Variants in GALNT18 observed in about 807,000 individuals in gnomAD.
GALNT18 encodes polypeptide N-acetylgalactosaminyltransferase 18, also known as GalNAc-transferase 18.
GALNT18 carries 44 observed loss-of-function variants against 69.5 expected under a neutral mutation model. That is an observed-to-expected ratio of 0.63 (90% CI 0.50 to 0.81). GALNT18 has a LOEUF of 0.81. GALNT18 is among the 40% of genes least tolerant of loss of function. The probability of loss-of-function intolerance (pLI) is 0.00; values close to 1 mark genes in which losing one functional copy is unlikely to be tolerated. For synonymous variants in GALNT18, 364 were observed against 318.2 expected (o/e 1.14, Z -1.53); for missense variants, 715 against 810.0 (o/e 0.88, Z 1.42).
At chr11:11,447,380 G>A (rs1855680542) in intron 2 of GALNT18, among the ~76,000 whole-genome samples, 1 of 152,074 alleles carries the variant, frequency 6.6e-6, no homozygotes, top group Non-Finnish European at 1.5e-5. Context: ...TTTCTCCATA[G>A]CACTCACCAC....
chr11:11,426,110 T>C (rs1855124161), intron 3 of GALNT18, among the ~76,000 whole-genome samples: 1 of 152,190 alleles, frequency 6.6e-6, no homozygotes. Flanking sequence ...TGGTCGCTAC[T>C]GTCAGGAATG....
intron 1 of GALNT18, among the ~76,000 whole-genome samples, chr11:11,485,683 C>A (rs1196706102): frequency 6.6e-6 from 1 of 152,130 alleles, no homozygotes; most frequent in African/African-American, 2.4e-5. Flanking sequence ...CAACTGTATA[C>A]CAACTGTGGA....
At chr11:11,390,017 C>A (rs977594477) in intron 3 of GALNT18, among the ~76,000 whole-genome samples, 1 of 152,042 alleles carries the variant, frequency 6.6e-6, no homozygotes, top group Non-Finnish European at 1.5e-5. Flanking sequence ...ATTCTGAATC[C>A]AAAATTTCAA....
rs181463238 is a variant in GALNT18, at chr11:11,517,730, C to T, written c.236-68794G>A. On this transcript the variant is annotated intron_variant, in intron 1 of 10. Transcript: ENST00000227756. ...CTGCCACAGTGCTCAGTCCCGGTGG[C>T]CTGTCCTTGCTGAGCCATCTAGGAC... Among the ~76,000 whole-genome samples, 8 of 152,244 alleles carry T rather than the reference C, an allele frequency of 5.3e-5. No homozygotes were observed. In the East Asian group the frequency reaches 9.7e-4, roughly 18 times the overall value.
chr11:11,385,049 C>T (rs1447733975), intron 3 of GALNT18, among the ~76,000 whole-genome samples: 2 of 152,116 alleles, frequency 1.3e-5, no homozygotes, highest in Non-Finnish European at 2.9e-5. Context: ...GTGAGGGCCT[C>T]AGGCTGCTTC....
rs1160737074 is a variant in GALNT18 at position 11,435,983 on chromosome 11, A to T, written c.429-3196T>A. Among the ~76,000 whole-genome samples, 1 of 152,216 alleles carries T rather than the reference A, an allele frequency of 6.6e-6. No individual in the cohort carries two copies. Among genetic ancestry groups the T allele is most frequent in the Non-Finnish European group, 1.5e-5 (1 of 68,036 alleles). ...GGGACTGCTGGGGCCTCCTGGCGAC[A>T]GCCATGCTGCCGCTGTGGCCTCTCT... On this transcript the variant is annotated intron_variant, in intron 2 of 10. Transcript: ENST00000227756. This position sits in a 1 kb window ranked among gnomAD's most constrained non-coding sequence, Gnocchi z 4.4.
chr11:11,568,666 AGGAGTCTGGAGTTCT>A (rs1858710669), intron 1 of GALNT18, among the ~76,000 whole-genome samples: 1 of 152,098 alleles, frequency 6.6e-6, no homozygotes, highest in South Asian at 2.1e-4. Context: ...GCACTGGACT[AGGAGTCTGGAGTTCT>A]GGATTTGGAT....
chr11:11,375,159 T>G (rs1348084350), intron 5 of GALNT18, among the ~76,000 whole-genome samples: 1 of 152,236 alleles, frequency 6.6e-6, no homozygotes, highest in Non-Finnish European at 1.5e-5. Context: ...GGCAAAGCAC[T>G]CAAGTATAGC....
Position 11,592,887 on chromosome 11 carries a change from G to T in GALNT18, c.235+28472C>A, listed in dbSNP as rs1383788857. Reference sequence around the variant, plus strand: ...CTTGTAGATAAAATGCTAAGGGTCAGACCAGAACAGAGGACGCCCATGCTT... The same window carrying T: ...CTTGTAGATAAAATGCTAAGGGTCATACCAGAACAGAGGACGCCCATGCTT... On this transcript the variant is annotated intron_variant, in intron 1 of 10. Transcript: ENST00000227756. This position sits in a 1 kb window ranked among gnomAD's most constrained non-coding sequence, Gnocchi z 5.9. 2.6e-5 allele frequency among the ~76,000 whole-genome samples: 4 copies of T among 152,152 alleles called. No homozygotes were observed. Among genetic ancestry groups the T allele is most frequent in the Non-Finnish European group, 5.9e-5 (4 of 68,026 alleles).
intron 2 of GALNT18, among the ~76,000 whole-genome samples, chr11:11,437,909 G>A (rs1243524033): frequency 2.6e-5 from 4 of 152,160 alleles, no homozygotes; most frequent in African/African-American, 9.6e-5. Context: ...GACAAAGCAA[G>A]TGAGACGGTG....
chr11:11,570,363 A>G (rs1465231687), intron 1 of GALNT18, among the ~76,000 whole-genome samples: 1 of 152,162 alleles, frequency 6.6e-6, no homozygotes, highest in Non-Finnish European at 1.5e-5. Flanking sequence ...CACTGTGCAT[A>G]TCTGCTTCCC....
chr11:11,346,433 T>C (rs1251335541), intron 6 of GALNT18, among the ~76,000 whole-genome samples: 1 of 152,234 alleles, frequency 6.6e-6, no homozygotes, highest in Non-Finnish European at 1.5e-5. Context: ...GGCTAGATTT[T>C]ACTGAACACA....
intron 3 of GALNT18, among the ~76,000 whole-genome samples, chr11:11,419,692 A>G (rs1048046186): frequency 6.6e-6 from 1 of 152,050 alleles, no homozygotes; most frequent in African/African-American, 2.4e-5. Context: ...CTTTGTGTCA[A>G]TATGATTATC....
In GALNT18 at chr11:11,515,093, C is replaced by T. The variant is rs537454509; in HGVS notation, c.236-66157G>A. On this transcript the variant is annotated intron_variant, in intron 1 of 10. Transcript: ENST00000227756. ...TTTTGAATCTGCCACTTTCTAGCTG[C>T]GGGTCTTTGAGCAAGTCACTTCACT... Among the ~76,000 whole-genome samples the T allele has an allele frequency of 2.8e-4, 42 of 152,276 alleles. 1 individual carries two copies. The highest frequency in any genetic ancestry group is 7.5e-4 in the African/African-American group (31 of 41,538).
intron 10 of GALNT18, among the ~76,000 whole-genome samples, chr11:11,288,648 T>C (rs1226571703): frequency 6.6e-6 from 1 of 152,224 alleles, no homozygotes; most frequent in Non-Finnish European, 1.5e-5. Context: ...GGAAAATTGC[T>C]CATCAGAGTC....
intron 6 of GALNT18, chr11:11,353,120 G>A (rs1310151054): frequency 1.9e-6 from 3 of 1,613,972 alleles, no homozygotes; most frequent in Admixed American, 3.3e-5. Flanking sequence ...GTCCCGACAT[G>A]TCAGACAGGT....
intron 6 of GALNT18, chr11:11,351,928 G>A (rs1358336577): frequency 1.3e-6 from 2 of 1,552,532 alleles, no homozygotes; most frequent in Admixed American, 1.9e-5. Flanking sequence ...CAGGCATCAG[G>A]AGACAGATAG....
At chr11:11,553,278 G>A (rs138495020) in intron 1 of GALNT18, among the ~76,000 whole-genome samples, 3 of 152,146 alleles carry the variant, frequency 2.0e-5, no homozygotes, top group African/African-American at 7.2e-5. Flanking sequence ...CCACCAGGGC[G>A]CTGAGGTCCT....
rs144194142 is a variant in GALNT18, at chr11:11,463,897, C to T, written c.236-14961G>A. 5.3e-3 allele frequency among the ~76,000 whole-genome samples: 813 copies of T among 152,260 alleles called. 8 individuals are homozygous for T. The highest frequency in any genetic ancestry group is 0.019 in the African/African-American group (789 of 41,550). On this transcript the variant is annotated intron_variant, in intron 1 of 10. Coordinates refer to ENST00000227756, the MANE Select transcript of GALNT18 (RefSeq NM_198516.3). This position sits in a 1 kb window ranked among gnomAD's most constrained non-coding sequence, Gnocchi z 4.2. The stretch of plus-strand genomic sequence containing the variant: ...TGTCCGGCGGAATGTGTGCAAAAAC[C>T]GTCATGCTCATGATTTTGAAAGGGG...
Sources: allele counts gnomAD v4.1 joint callset (sites outside exome capture counted in the v4.1 genomes callset), GRCh38; gene constraint gnomAD v4.1.1; non-coding constraint Gnocchi (gnomAD v3.1); transcripts MANE v1.5; gene names NCBI Gene and HGNC (gene_info 2026-07-23, HGNC 2026-07-21).